EVA1C: variants seen among roughly 807,000 people sequenced by gnomAD.
EVA1C encodes protein eva-1 homolog C.
EVA1C carries 25 observed loss-of-function variants against 45.4 expected under a neutral mutation model. The observed-to-expected ratio is 0.55, with a 90% CI of 0.40 to 0.77. EVA1C has a LOEUF of 0.77. Ranked by LOEUF, EVA1C falls within the 30% of genes least tolerant of loss-of-function variation. EVA1C has a pLI of 0.00. For missense variants in EVA1C, 479 were observed against 554.8 expected, an observed-to-expected ratio of 0.86 and a Z score of 1.37; for synonymous variants, 190 against 221.2, an observed-to-expected ratio of 0.86 and a Z score of 1.25.
At chr21:32,503,549 A>AAAATAAATAAATAAATAAATAAAC (rs60401587) in intron 6 of EVA1C, among the ~76,000 whole-genome samples, 2 of 149,124 alleles carry the variant, frequency 1.3e-5, no homozygotes, top group African/African-American at 5.0e-5. Flanking sequence ...CTCCATCTCA[A>AAAATAAATAAATAAATAAATAAAC]AAATAAATAA....
rs77214188 is a variant in EVA1C, at chr21:32,494,380, A to G, written c.635-647A>G. Among the ~76,000 whole-genome samples the G allele has an allele frequency of 4.9e-3, 744 of 152,350 alleles. 7 individuals carry two copies. Among genetic ancestry groups the G allele is most frequent in the Non-Finnish European group, 7.5e-3 (512 of 68,032 alleles). ...TTCTCAAAATAAACAAACAAATAAT[A>G]TATTTCAAAGCATGGTAAAGGTCGT... On this transcript the variant is annotated intron_variant, in intron 4 of 7. Transcript: ENST00000300255.
intron 4 of EVA1C, among the ~76,000 whole-genome samples, chr21:32,490,920 C>A (rs1036225669): frequency 2.6e-5 from 4 of 152,236 alleles, no homozygotes; most frequent in Non-Finnish European, 4.4e-5. Context: ...AGGTTATAAC[C>A]TTCCCTTTGT....
intron 4 of EVA1C, among the ~76,000 whole-genome samples, chr21:32,486,889 C>G (rs1223208873): frequency 6.6e-6 from 1 of 152,080 alleles, no homozygotes; most frequent in Non-Finnish European, 1.5e-5. Flanking sequence ...TACACATATA[C>G]TTTTAAATAA....
In EVA1C at chr21:32,473,998, C is replaced by G. The variant is rs539340702; in HGVS notation, c.634+6150C>G. On this transcript the variant is annotated intron_variant, in intron 4 of 7. Coordinates refer to ENST00000300255, the MANE Select transcript of EVA1C (RefSeq NM_058187.5). ...GAATGCAGTGAAGTATTCATCATAG[C>G]TCACTGCAAGCCTCCAACTCATGGG... is the stretch of plus-strand genomic sequence containing the variant. 7.2e-6 allele frequency: 7 copies of G among 969,694 alleles called. No individual in the cohort carries two copies. The African/African-American group carries it at 1.2e-4, about 17-fold the overall frequency. 60.1% of individuals were successfully genotyped at this position (969,694 alleles called of 1,614,324 possible).
At chr21:32,456,184 G>A (rs561221260) in intron 2 of EVA1C, among the ~76,000 whole-genome samples, 2 of 147,536 alleles carry the variant, frequency 1.4e-5, no homozygotes, top group South Asian at 2.2e-4. Context: ...GAGCCACCGC[G>A]CCCAGCCTTC....
chr21:32,427,416 T>G (rs2034530005), intron 1 of EVA1C, among the ~76,000 whole-genome samples: 1 of 152,126 alleles, frequency 6.6e-6, no homozygotes, highest in Non-Finnish European at 1.5e-5. Context: ...GTATAGACAG[T>G]GTTAAAAATA....
chr21:32,493,665 T>C (rs2037241928), intron 4 of EVA1C: 1 of 152,364 alleles, frequency 6.6e-6, no homozygotes, highest in Non-Finnish European at 1.5e-5. Context: ...TGATTCACTG[T>C]TTCCACTATC....
chr21:32,451,611 C>G (rs565170506), intron 1 of EVA1C, among the ~76,000 whole-genome samples: 3 of 152,284 alleles, frequency 2.0e-5, no homozygotes, highest in East Asian at 3.9e-4. Flanking sequence ...TCTCACAGTT[C>G]TGGAGGCCAC....
chr21:32,471,396 G>A (rs1384727214), intron 4 of EVA1C, among the ~76,000 whole-genome samples: 2 of 147,536 alleles, frequency 1.4e-5, no homozygotes, highest in African/African-American at 5.0e-5. Context: ...GCACGATCTC[G>A]GCTCACTGCA....
chr21:32,511,358 G>C (rs1393148295), intron 7 of EVA1C, among the ~76,000 whole-genome samples: 4 of 132,904 alleles, frequency 3.0e-5, no homozygotes, highest in Admixed American at 8.9e-5. Flanking sequence ...GGCGGAGGTT[G>C]CAGTGAGCCA....
intron 4 of EVA1C, among the ~76,000 whole-genome samples, chr21:32,471,891 G>C (rs2036390962): frequency 1.3e-5 from 2 of 151,766 alleles, no homozygotes; most frequent in African/African-American, 4.8e-5. Context: ...GCCTCCCAAA[G>C]TACTGGAATT....
intron 6 of EVA1C, 145 bp from the exon 7 acceptor site, chr21:32,503,781 G>C: frequency 1.7e-6 from 1 of 593,874 alleles, no homozygotes; most frequent in South Asian, 2.2e-5. Context: ...TTAATCTTCT[G>C]TAATTTAGCC....
intron 1 of EVA1C, among the ~76,000 whole-genome samples, chr21:32,420,189 G>T (rs1023049959): frequency 0.015 from 2 of 136 alleles, no homozygotes; most frequent in African/African-American, 0.067. Flanking sequence ...TGGCCCATAG[G>T]GTGAAACCTG....
At chr21:32,467,921 TC>T (rs2036236360) in intron 4 of EVA1C, 73 bp downstream of exon 4, 1 of 864,192 alleles carries the variant, frequency 1.2e-6, no homozygotes, top group Non-Finnish European at 1.6e-6. Flanking sequence ...TATATATATA[TC>T]CTATATATAT....
chr21:32,450,176 G>C lies in EVA1C; in HGVS notation c.161-3136G>C, dbSNP rs117850517. Among the ~76,000 whole-genome samples, 167 of 152,334 alleles carry C rather than the reference G, an allele frequency of 1.1e-3. 2 individuals are homozygous for C. In the East Asian group the frequency reaches 0.031, roughly 29 times the overall value. On this transcript the variant is annotated intron_variant, in intron 1 of 7. Coordinates refer to ENST00000300255, the MANE Select transcript of EVA1C (RefSeq NM_058187.5). ...CTCAGGCCACTGCACCGCACGTACA[G>C]GTCTTGATGTAAATGGTCTGGAGGA...
Position 32,511,507 on chromosome 21 carries a change from G to A in EVA1C, c.950-3307G>A, listed in dbSNP as rs75855123. Among the ~76,000 whole-genome samples the A allele has an allele frequency of 3.5e-3, 530 of 151,492 alleles. 7 individuals carry two copies. The highest frequency in any genetic ancestry group is 0.012 in the African/African-American group (502 of 41,270). ...TTTATATGTAACTGGAAAAGCACAG[G>A]CAACCCAGAAAAAAAATGGGTACAT... On this transcript the variant is annotated intron_variant, in intron 7 of 7. Coordinates refer to ENST00000300255, the MANE Select transcript of EVA1C (RefSeq NM_058187.5).
chr21:32,469,119 A>C (rs1294898736), intron 4 of EVA1C, among the ~76,000 whole-genome samples: 5 of 152,160 alleles, frequency 3.3e-5, no homozygotes, highest in African/African-American at 1.2e-4. Context: ...CCCTGTTCTA[A>C]GCATGGGGGA....
chr21:32,456,145 G>C (rs1472894626), intron 2 of EVA1C, among the ~76,000 whole-genome samples: 1 of 152,068 alleles, frequency 6.6e-6, no homozygotes, highest in Non-Finnish European at 1.5e-5. Context: ...GCCCGCTTCG[G>C]CCCCCCAAAA....
chr21:32,454,709 T>C (rs967840295), intron 2 of EVA1C, among the ~76,000 whole-genome samples: 6 of 152,008 alleles, frequency 3.9e-5, no homozygotes, highest in South Asian at 2.1e-4. Flanking sequence ...GTAGGAAATA[T>C]GGATAAAGAT....
Sources: allele counts gnomAD v4.1 joint callset (sites outside exome capture counted in the v4.1 genomes callset), GRCh38; gene constraint gnomAD v4.1.1; transcripts MANE v1.5; gene names NCBI Gene and HGNC (gene_info 2026-07-23, HGNC 2026-07-21).